TMEM178B: variants seen among roughly 807,000 people sequenced by gnomAD.
The protein encoded by TMEM178B is transmembrane protein 178B.
In TMEM178B, 5 loss-of-function variants were observed where a neutral mutation model predicts 31.0. That is an observed-to-expected ratio of 0.16 (90% confidence interval 0.08 to 0.34). The LOEUF is 0.34. Among genes scored for constraint, TMEM178B ranks in the 10% least tolerant of loss-of-function variants. The pLI is 1.00. For missense variants in TMEM178B, 275 were observed against 400.3 expected (o/e 0.69, Z 2.67); for synonymous variants, 164 against 164.0 (o/e 1.00, Z 0.00).
At chr7:141,140,018 A>C (rs543516175) in intron 1 of TMEM178B, among the ~76,000 whole-genome samples, 2 of 152,232 alleles carry the variant, frequency 1.3e-5, no homozygotes, top group African/African-American at 2.4e-5. Context: ...TGCCCACCTC[A>C]GTCCCCCAGA....
intron 1 of TMEM178B, among the ~76,000 whole-genome samples, chr7:141,190,056 A>G (rs939094817): frequency 3.3e-5 from 5 of 152,190 alleles, no homozygotes; most frequent in African/African-American, 1.2e-4. Context: ...ATACATTCAC[A>G]TGGTTTAATG....
chr7:141,229,123 G>GTC (rs1450235005), intron 2 of TMEM178B, among the ~76,000 whole-genome samples: 10 of 147,384 alleles, frequency 6.8e-5, no homozygotes, highest in African/African-American at 2.5e-4. Context: ...GTGTGTGTGT[G>GTC]TGTGTGTGAA....
chr7:141,335,930 C>T (rs1181148636), intron 2 of TMEM178B, among the ~76,000 whole-genome samples: 1 of 152,148 alleles, frequency 6.6e-6, no homozygotes, highest in Non-Finnish European at 1.5e-5. Context: ...AAGTTGAGCT[C>T]TCTGCAGGGA....
chr7:141,442,355 C>A (rs2116690077), intron 3 of TMEM178B, among the ~76,000 whole-genome samples: 1 of 152,302 alleles, frequency 6.6e-6, no homozygotes, highest in Middle Eastern at 3.4e-3. Flanking sequence ...CTCTGGCCAC[C>A]CTGCAATCAG....
chr7:141,419,211 C>T (rs563821636), intron 2 of TMEM178B, among the ~76,000 whole-genome samples: 6 of 152,144 alleles, frequency 3.9e-5, no homozygotes, highest in South Asian at 2.1e-4. Flanking sequence ...CGGCTGGCCC[C>T]GTCCTTGCTT....
rs1802053337 is a variant in TMEM178B at position 141,461,194 on chromosome 7, A to G, written c.635-9342A>G. On this transcript the variant is annotated intron_variant, in intron 3 of 3. Transcript: ENST00000565468. The surrounding 1 kb of genome is among the most constrained non-coding windows in gnomAD (Gnocchi z 4.0). ...GAGAGGGAATAGAGGGAGGTGTCTC[A>G]TGGAGGACTTGGCTGCTTCTTCTCT... 6.6e-6 allele frequency among the ~76,000 whole-genome samples: 1 copy of G among 152,166 alleles called. No individual in the cohort carries two copies. Among genetic ancestry groups the G allele is most frequent in the Non-Finnish European group, 1.5e-5 (1 of 68,030 alleles).
chr7:141,119,078 G>A (rs1795368709), intron 1 of TMEM178B, among the ~76,000 whole-genome samples: 1 of 152,166 alleles, frequency 6.6e-6, no homozygotes, highest in Admixed American at 6.5e-5. Context: ...ACTGGAAGGG[G>A]CATGGGAGAA....
intron 1 of TMEM178B, among the ~76,000 whole-genome samples, chr7:141,102,620 T>A (rs759850525): frequency 6.6e-6 from 1 of 152,216 alleles, no homozygotes; most frequent in East Asian, 1.9e-4. Flanking sequence ...TAGAAAATGC[T>A]TATGGGGATG....
At chr7:141,378,033 A>T (rs1800250508) in intron 2 of TMEM178B, among the ~76,000 whole-genome samples, 1 of 152,180 alleles carries the variant, frequency 6.6e-6, no homozygotes, top group Non-Finnish European at 1.5e-5. Flanking sequence ...GCCACACTGC[A>T]TTTAGTCATC....
At chr7:141,295,718 C>T (rs1798620068) in intron 2 of TMEM178B, among the ~76,000 whole-genome samples, 1 of 139,210 alleles carries the variant, frequency 7.2e-6, no homozygotes, top group East Asian at 2.1e-4. Context: ...TCAAGAGAGG[C>T]AATTCACAAA....
chr7:141,371,239 C>T (rs1048973774), intron 2 of TMEM178B, among the ~76,000 whole-genome samples: 2 of 152,134 alleles, frequency 1.3e-5, no homozygotes, highest in Non-Finnish European at 2.9e-5. Context: ...TAGACTAATG[C>T]CCTTCCTTGG....
intron 2 of TMEM178B, among the ~76,000 whole-genome samples, chr7:141,218,192 T>TG (rs1406439311): frequency 1.3e-5 from 2 of 151,838 alleles, no homozygotes; most frequent in African/African-American, 4.8e-5. Flanking sequence ...TCTACAGCAT[T>TG]GGGGGTCCTC....
chr7:141,274,388 G>A (rs914725916), intron 2 of TMEM178B, among the ~76,000 whole-genome samples: 1 of 152,098 alleles, frequency 6.6e-6, no homozygotes, highest in Non-Finnish European at 1.5e-5. Flanking sequence ...GGTTCTATTA[G>A]CAGCATATTC....
intron 2 of TMEM178B, among the ~76,000 whole-genome samples, chr7:141,428,142 A>G (rs1030585932): frequency 1.3e-5 from 2 of 152,064 alleles, no homozygotes; most frequent in African/African-American, 4.8e-5. Context: ...AGGGAAAGAC[A>G]GTCTCCCAAT....
chr7:141,256,004 A>T (rs918896231), intron 2 of TMEM178B, among the ~76,000 whole-genome samples: 1 of 151,732 alleles, frequency 6.6e-6, no homozygotes, highest in African/African-American at 2.4e-5. Context: ...CCATCCTTCC[A>T]TCCATTCATC....
At chr7:141,209,195 C>T (rs1461067107) in intron 1 of TMEM178B, among the ~76,000 whole-genome samples, 3 of 152,194 alleles carry the variant, frequency 2.0e-5, no homozygotes, top group Non-Finnish European at 4.4e-5. Context: ...TTTATATCTT[C>T]CTTTCCTCTT....
intron 2 of TMEM178B, among the ~76,000 whole-genome samples, chr7:141,432,771 GC>G (rs763691597): frequency 6.6e-6 from 1 of 152,010 alleles, no homozygotes; most frequent in Non-Finnish European, 1.5e-5. Context: ...CCATTCATGG[GC>G]TTTTCTCAGA....
At chr7:141,168,900 C>A (rs994601800) in intron 1 of TMEM178B, among the ~76,000 whole-genome samples, 1 of 152,080 alleles carries the variant, frequency 6.6e-6, no homozygotes, top group African/African-American at 2.4e-5. Flanking sequence ...TATTTTGATA[C>A]AAGCATACAA....
chr7:141,210,690 C>T (rs1290784964), intron 1 of TMEM178B, among the ~76,000 whole-genome samples: 1 of 152,104 alleles, frequency 6.6e-6, no homozygotes, highest in South Asian at 2.1e-4. Flanking sequence ...CTGTTTACTC[C>T]AGGGAGCCTT....
Sources: allele counts gnomAD v4.1 joint callset (sites outside exome capture counted in the v4.1 genomes callset), GRCh38; gene constraint gnomAD v4.1.1; non-coding constraint Gnocchi (gnomAD v3.1); transcripts MANE v1.5; gene names NCBI Gene and HGNC (gene_info 2026-07-23, HGNC 2026-07-21).